NAALADL2: variants seen among roughly 807,000 people sequenced by gnomAD.
The protein encoded by NAALADL2 is inactive N-acetylated-alpha-linked acidic dipeptidase-like protein 2.
In NAALADL2, 76 loss-of-function variants were observed where a neutral mutation model predicts 87.2. The ratio of observed to expected loss-of-function variants is 0.87; its 90% CI spans 0.72 to 1.05. The LOEUF is 1.05. Among genes scored for constraint, NAALADL2 ranks in the 50% least tolerant of loss-of-function variants. The pLI is 0.00. For missense variants in NAALADL2, 1,089 were observed against 945.8 expected (o/e 1.15, Z -1.99); for synonymous variants, 354 against 331.0 (o/e 1.07, Z -0.75).
chr3:174,975,557 C>A (rs1579816312), intron 1 of NAALADL2, among the ~76,000 whole-genome samples: 2 of 152,130 alleles, frequency 1.3e-5, no homozygotes, highest in Non-Finnish European at 2.9e-5. Context: ...CCGCCGCCCC[C>A]CCACCTACCT....
At position 175,808,831 on chromosome 3, in the gene NAALADL2, C is replaced by T. The variant is rs980511711; in HGVS notation, c.*5628C>T. 1.3e-5 allele frequency: 2 copies of T among 151,960 alleles called. No homozygotes were observed. Among genetic ancestry groups the T allele is most frequent in the Admixed American group, 1.3e-4 (2 of 15,216 alleles). 9.4% of individuals were successfully genotyped at this position (151,960 alleles called of 1,614,324 possible). A position where few individuals can be genotyped will look rare whatever the true frequency, so the allele number is the denominator to read the frequency against. Reference sequence around the variant, plus strand: ...TACAAACGTGGCATCTGAATAGAAGCTTAGCTAGAGAAGTGGAGTTAGAGT... The same window carrying T: ...TACAAACGTGGCATCTGAATAGAAGTTTAGCTAGAGAAGTGGAGTTAGAGT... On this transcript the variant is annotated 3_prime_UTR_variant, in exon 14 of 14. Transcript: ENST00000454872.
chr3:174,549,704 C>T (rs1711885029), intron 1 of NAALADL2, among the ~76,000 whole-genome samples: 1 of 152,076 alleles, frequency 6.6e-6, no homozygotes, highest in Non-Finnish European at 1.5e-5. Flanking sequence ...TTTAGGTAAT[C>T]ATTGGCTTTT....
chr3:175,340,877 C>T lies in NAALADL2; in HGVS notation c.1090+16552C>T, dbSNP rs543042288. Among the ~76,000 whole-genome samples the T allele has an allele frequency of 6.6e-5, 10 of 152,154 alleles. No homozygotes were observed. In the South Asian group the frequency reaches 1.7e-3, roughly 25 times the overall value. On this transcript the variant is annotated intron_variant, in intron 5 of 13. Coordinates refer to ENST00000454872, the MANE Select transcript of NAALADL2 (RefSeq NM_207015.3). ...CCAAAGATCCAGAAGGACAGAGATA[C>T]ATAGTGTTAACAGTGAGTTCAGAAT...
rs57049565 is a variant in NAALADL2 at position 175,314,563 on chromosome 3, C to CTATATATATATA, written c.940-9587_940-9576dup. 1.5e-3 allele frequency among the ~76,000 whole-genome samples: 105 copies of CTATATATATATA among 69,604 alleles called. 4 individuals carry two copies. Among genetic ancestry groups the CTATATATATATA allele is most frequent in the Non-Finnish European group, 2.2e-3 (80 of 36,026 alleles). 45.7% of individuals were successfully genotyped at this position (69,604 alleles called of 152,430 possible). A position where few individuals can be genotyped will look rare whatever the true frequency, so the allele number is the denominator to read the frequency against. On this transcript the variant is annotated intron_variant, in intron 4 of 13. Coordinates refer to ENST00000454872, the MANE Select transcript of NAALADL2 (RefSeq NM_207015.3). The stretch of plus-strand genomic sequence containing the variant: ...ATTAATACTTACCTTCACATTCTAA[C>CTATATATATATA]TATATATATATATATATATATATAT...
chr3:174,950,348 G>T (rs1740152697), intron 1 of NAALADL2, among the ~76,000 whole-genome samples: 1 of 151,886 alleles, frequency 6.6e-6, no homozygotes, highest in Non-Finnish European at 1.5e-5. Flanking sequence ...CACAAATTTT[G>T]GTTGTCCACA....
At chr3:175,148,827 C>G (rs1204950491) in intron 2 of NAALADL2, among the ~76,000 whole-genome samples, 1 of 152,072 alleles carries the variant, frequency 6.6e-6, no homozygotes, top group East Asian at 1.9e-4. Context: ...CAGTACCATT[C>G]TGTTTTGTTT....
chr3:175,768,656 C>T (rs1349742844), intron 13 of NAALADL2, among the ~76,000 whole-genome samples: 1 of 152,110 alleles, frequency 6.6e-6, no homozygotes, highest in African/African-American at 2.4e-5. Flanking sequence ...TTGAGACCAG[C>T]ATGGCTAACA....
intron 2 of NAALADL2, among the ~76,000 whole-genome samples, chr3:174,717,489 A>T (rs1269932705): frequency 1.3e-5 from 2 of 152,232 alleles, no homozygotes; most frequent in Non-Finnish European, 2.9e-5. Flanking sequence ...AATCTTAATT[A>T]GAAGAAGACT....
At chr3:174,691,643 A>G (rs1238576856) in intron 2 of NAALADL2, among the ~76,000 whole-genome samples, 1 of 152,152 alleles carries the variant, frequency 6.6e-6, no homozygotes, top group Non-Finnish European at 1.5e-5. Flanking sequence ...TTCCTTTTAC[A>G]AAAGATTTCT....
chr3:175,613,116 A>G (rs547089634), intron 10 of NAALADL2, among the ~76,000 whole-genome samples: 4 of 152,270 alleles, frequency 2.6e-5, no homozygotes, highest in African/African-American at 9.6e-5. Flanking sequence ...TGGGTGTTAA[A>G]TAGTTATAGA....
chr3:174,557,762 T>C (rs993514945), intron 2 of NAALADL2, among the ~76,000 whole-genome samples: 9 of 152,146 alleles, frequency 5.9e-5, no homozygotes, highest in Non-Finnish European at 1.3e-4. Context: ...ACCCCGAAGT[T>C]TGATGATTTG....
intron 2 of NAALADL2, among the ~76,000 whole-genome samples, chr3:174,636,292 G>A (rs552553109): frequency 1.3e-5 from 2 of 152,196 alleles, no homozygotes; most frequent in African/African-American, 4.8e-5. Context: ...AGATTTTATA[G>A]CTAAGACCTC....
chr3:175,393,280 CAAAAAAAAAAAAAAAAAAAAAA>C (rs775778803), intron 5 of NAALADL2, among the ~76,000 whole-genome samples: 11 of 29,516 alleles, frequency 3.7e-4, no homozygotes, highest in Non-Finnish European at 6.3e-4. Flanking sequence ...GACTCCGTCT[CAAAAAAAAAAAAAAAAAAAAAA>C]AAAAAAAAAA....
intron 12 of NAALADL2, among the ~76,000 whole-genome samples, chr3:175,741,058 A>T (rs1382833208): frequency 6.6e-6 from 1 of 152,156 alleles, no homozygotes; most frequent in Admixed American, 6.5e-5. Context: ...TGATTTTCTT[A>T]ATTAGGGGAA....
At chr3:175,796,575 A>G (rs1753524737) in intron 13 of NAALADL2, among the ~76,000 whole-genome samples, 1 of 152,226 alleles carries the variant, frequency 6.6e-6, no homozygotes, top group Non-Finnish European at 1.5e-5. Flanking sequence ...AAGTAAAATA[A>G]TCTCCTCTAA....
intron 2 of NAALADL2, among the ~76,000 whole-genome samples, chr3:174,678,615 T>G (rs1727257383): frequency 6.6e-6 from 1 of 152,190 alleles, no homozygotes; most frequent in Non-Finnish European, 1.5e-5. Flanking sequence ...CTTTTCCATT[T>G]TGCATATTTT....
At chr3:175,394,897 T>C (rs942055220) in intron 5 of NAALADL2, among the ~76,000 whole-genome samples, 25 of 152,352 alleles carry the variant, frequency 1.6e-4, no homozygotes, top group African/African-American at 6.0e-4. Flanking sequence ...AGACAATTCA[T>C]TCTTACCTCC....
At chr3:175,555,648 A>C (rs181303427) in intron 9 of NAALADL2, among the ~76,000 whole-genome samples, 5 of 152,212 alleles carry the variant, frequency 3.3e-5, no homozygotes, top group African/African-American at 1.2e-4. Context: ...ATAGCTGTTG[A>C]TTGTGCAATG....
chr3:174,589,408 C>T (rs551446788), intron 2 of NAALADL2, among the ~76,000 whole-genome samples: 38 of 152,302 alleles, frequency 2.5e-4, no homozygotes, highest in Admixed American at 7.2e-4. Context: ...GAGACCAACC[C>T]GGTACCTCAG....
Sources: allele counts gnomAD v4.1 joint callset (sites outside exome capture counted in the v4.1 genomes callset), GRCh38; gene constraint gnomAD v4.1.1; transcripts MANE v1.5; gene names NCBI Gene and HGNC (gene_info 2026-07-23, HGNC 2026-07-21).